The following TBCE variants were observed in gnomAD, a reference collection of about 807,000 sequenced individuals.
The protein encoded by TBCE is tubulin folding cofactor E.
TBCE carries 53 observed loss-of-function variants against 77.0 expected under a neutral mutation model. The observed-to-expected ratio is 0.69, with a 90% CI of 0.55 to 0.87. The LOEUF is 0.87. Among genes scored for constraint, TBCE ranks in the 40% least tolerant of loss-of-function variants. The pLI, the probability that TBCE is intolerant of heterozygous loss-of-function variation, is 0.00. For missense variants in TBCE, 624 were observed against 622.4 expected (o/e 1.00, Z -0.03); for synonymous variants, 235 against 241.3 (o/e 0.97, Z 0.24).
At chr1:235,428,620 C>G (rs1229239245) in intron 6 of TBCE, among the ~76,000 whole-genome samples, 3 of 131,368 alleles carry the variant, frequency 2.3e-5, no homozygotes, top group Non-Finnish European at 4.9e-5. Flanking sequence ...CACATTTAAT[C>G]TTTAAGGACA....
intron 5 of TBCE, among the ~76,000 whole-genome samples, chr1:235,421,483 G>A (rs139014270): frequency 0.014 from 2,062 of 152,124 alleles, 22 homozygotes; most frequent in Non-Finnish European, 0.021. Context: ...CGAGGTGGGC[G>A]GATCATCTGA....
chr1:235,388,224 A>G (rs1342480740), intron 2 of TBCE, among the ~76,000 whole-genome samples: 2 of 151,312 alleles, frequency 1.3e-5, no homozygotes, highest in Non-Finnish European at 1.5e-5. Flanking sequence ...ACTTTTATAT[A>G]GCAGAGCTGG....
At position 235,419,818 on chromosome 1, in the gene TBCE, T is replaced by G. The variant is rs13374101; in HGVS notation, c.460+257T>G. ...AGGGGGCACACTTGGCCAGGCGCAG[T>G]GGCTCACGCCTGTAATCCTAGCATT... On this transcript the variant is annotated intron_variant, in intron 5 of 16. Transcript: ENST00000642610. Among the ~76,000 whole-genome samples the G allele has an allele frequency of 0.068, 10,224 of 149,808 alleles. 651 individuals are homozygous for G. The highest frequency in any genetic ancestry group is 0.17 in the African/African-American group (6,936 of 40,704).
chr1:235,434,188 C>T lies in TBCE; in HGVS notation c.661-16C>T, dbSNP rs1330748767. The T allele has an allele frequency of 5.6e-6, 9 of 1,613,768 alleles. No individual in the cohort carries two copies. In the Admixed American group the frequency reaches 6.7e-5, roughly 12 times the overall value. ...CAGCAGAGGCCGCCTGAGCCTGAAC[C>T]GAGTTTCTCTTCCAGGTGCTGCGGT... On this transcript the variant is annotated splice_polypyrimidine_tract_variant and intron_variant, in intron 7 of 16. Transcript: ENST00000642610.
At chr1:235,444,806 T>C (rs1027319584) in intron 15 of TBCE, among the ~76,000 whole-genome samples, 2 of 152,258 alleles carry the variant, frequency 1.3e-5, no homozygotes, top group Non-Finnish European at 2.9e-5. Context: ...GTTACCACTA[T>C]AGAGTATTTG....
rs1397500970 is a variant in TBCE, at chr1:235,437,486, C to A, written c.1116+12C>A. ...TGAACAAATGTGAGGTGAGCACTGG[C>A]GTCATGACTAGATATTTTTTAGACT... On this transcript the variant is annotated intron_variant, in intron 12 of 16. Coordinates refer to ENST00000642610, the MANE Select transcript of TBCE (RefSeq NM_003193.5). The A allele has an allele frequency of 6.2e-7, 1 of 1,613,428 alleles. No individual in the cohort carries two copies. Among genetic ancestry groups the A allele is most frequent in the South Asian group, 1.1e-5 (1 of 91,066 alleles).
chr1:235,417,119 TACTC>T (rs1033653964), intron 4 of TBCE, among the ~76,000 whole-genome samples: 29 of 152,202 alleles, frequency 1.9e-4, no homozygotes, highest in African/African-American at 2.9e-4. Flanking sequence ...AGAAGAGACT[TACTC>T]AATAAAGGAA....
At chr1:235,398,605 A>C (rs1678889658) in intron 2 of TBCE, among the ~76,000 whole-genome samples, 1 of 143,552 alleles carries the variant, frequency 7.0e-6, no homozygotes. Context: ...GACGATGATG[A>C]TTATTTGTGG....
At chr1:235,417,937 C>CA (rs1680194366) in intron 4 of TBCE, among the ~76,000 whole-genome samples, 1 of 152,076 alleles carries the variant, frequency 6.6e-6, no homozygotes, top group Non-Finnish European at 1.5e-5. Context: ...CCCACTATGC[C>CA]AGGCTAATTT....
rs10524346 is a variant in TBCE, at chr1:235,380,161, TTGTGTG to T, written c.100+60_100+65del. On this transcript the variant is annotated intron_variant, in intron 2 of 16. Coordinates refer to ENST00000642610, the MANE Select transcript of TBCE (RefSeq NM_003193.5). ...CCCTCCCGTGGCAGGTAAGCAATTATTGTGTGTGTGTGTGTGTGTGTGTGTGTGTGT... is the reference window on the plus strand; with the variant it reads ...CCCTCCCGTGGCAGGTAAGCAATTATTGTGTGTGTGTGTGTGTGTGTGTGT... 0.026 allele frequency: 29,003 copies of T among 1,131,738 alleles called. 186 individuals carry two copies. Among genetic ancestry groups the T allele is most frequent in the South Asian group, 0.063 (4,869 of 77,578 alleles). 70.1% of individuals were successfully genotyped at this position (1,131,738 alleles called of 1,614,324 possible). A position where few individuals can be genotyped will look rare whatever the true frequency, so the allele number is the denominator to read the frequency against.
chr1:235,432,523 C>A (rs935651172), intron 7 of TBCE, among the ~76,000 whole-genome samples: 4 of 152,144 alleles, frequency 2.6e-5, no homozygotes, highest in African/African-American at 9.7e-5. Context: ...CTCACACCTG[C>A]AATCCCAGCG....
intron 5 of TBCE, among the ~76,000 whole-genome samples, chr1:235,423,106 T>G (rs1680492911): frequency 6.6e-6 from 1 of 152,194 alleles, no homozygotes; most frequent in African/African-American, 2.4e-5. Flanking sequence ...CCAGTCATCC[T>G]TTTTTGGGTT....
intron 14 of TBCE, among the ~76,000 whole-genome samples, 161 bp downstream of exon 14, chr1:235,442,043 T>A (rs1236578904): frequency 4.0e-5 from 6 of 151,682 alleles, no homozygotes; most frequent in Non-Finnish European, 8.8e-5. Flanking sequence ...AGTCTCCCTC[T>A]GTCTCCCAGG....
chr1:235,410,764 A>G (rs1465137899), intron 3 of TBCE, among the ~76,000 whole-genome samples: 1 of 152,182 alleles, frequency 6.6e-6, no homozygotes, highest in Non-Finnish European at 1.5e-5. Flanking sequence ...ATGAAGATCC[A>G]CTTTCTGTAA....
At chr1:235,424,322 C>CTTTTT (rs1160280902) in intron 5 of TBCE, among the ~76,000 whole-genome samples, 9 of 123,782 alleles carry the variant, frequency 7.3e-5, no homozygotes, top group Non-Finnish European at 1.4e-4. Context: ...TCTTAGAGCT[C>CTTTTT]TTTTTTTTTT....
chr1:235,407,322 G>A (rs1243618365), intron 3 of TBCE, among the ~76,000 whole-genome samples: 1 of 150,962 alleles, frequency 6.6e-6, no homozygotes, highest in Admixed American at 6.6e-5. Flanking sequence ...CTGGGCTTGA[G>A]TGATCCTCTT....
chr1:235,439,649 G>T (rs899534116), intron 13 of TBCE, among the ~76,000 whole-genome samples: 1 of 150,486 alleles, frequency 6.6e-6, no homozygotes, highest in African/African-American at 2.4e-5. Context: ...CACCACGCCC[G>T]ACTAATTTTT....
At chr1:235,421,553 C>A (rs1348664144) in intron 5 of TBCE, among the ~76,000 whole-genome samples, 1 of 151,974 alleles carries the variant, frequency 6.6e-6, no homozygotes, top group Admixed American at 6.6e-5. Context: ...ACTAAAAATA[C>A]AAAAATTAGC....
intron 1 of TBCE, among the ~76,000 whole-genome samples, chr1:235,373,943 C>G (rs563244734): frequency 6.9e-6 from 1 of 145,182 alleles, no homozygotes; most frequent in East Asian, 1.9e-4. Context: ...GCCACCGCAC[C>G]CAGACTTGTA....
Sources: allele counts gnomAD v4.1 joint callset (sites outside exome capture counted in the v4.1 genomes callset), GRCh38; gene constraint gnomAD v4.1.1; transcripts MANE v1.5; gene names NCBI Gene and HGNC (gene_info 2026-07-23, HGNC 2026-07-21).